PRIM2: variants seen among roughly 807,000 people sequenced by gnomAD.
PRIM2 encodes DNA primase large subunit.
In PRIM2, 39 loss-of-function variants were observed where a neutral mutation model predicts 67.3. The observed-to-expected ratio is 0.58, with a 90% confidence interval of 0.45 to 0.76. PRIM2 has a LOEUF of 0.76. Among genes scored for constraint, PRIM2 ranks in the 30% least tolerant of loss-of-function variants. The pLI is 0.00. For missense variants in PRIM2, 398 were observed against 598.7 expected, an observed-to-expected ratio of 0.66 and a Z score of 3.50; for synonymous variants, 143 against 198.7, an observed-to-expected ratio of 0.72 and a Z score of 2.36.
chr6:57,384,027 A>G (rs563663214), intron 7 of PRIM2, among the ~76,000 whole-genome samples: 1 of 152,364 alleles, frequency 6.6e-6, no homozygotes, highest in South Asian at 2.1e-4. Context: ...TCTAGATTAT[A>G]GTATGGACTT....
intron 10 of PRIM2, among the ~76,000 whole-genome samples, chr6:57,556,456 A>G (rs1775515577): frequency 6.6e-6 from 1 of 152,190 alleles, no homozygotes; most frequent in Non-Finnish European, 1.5e-5. Context: ...GACCAATGGA[A>G]CAGAATAGAA....
chr6:57,299,822 CAGA>C, the PRIM2 span, among the ~76,000 whole-genome samples: 21 of 152,174 alleles, frequency 1.4e-4, no homozygotes, highest in Admixed American at 1.1e-3. Context: ...TTTAAAGTAG[CAGA>C]ACCTTGCTGG....
the PRIM2 span, among the ~76,000 whole-genome samples, chr6:57,271,647 A>G: frequency 6.6e-6 from 1 of 152,056 alleles, no homozygotes; most frequent in Non-Finnish European, 1.5e-5. Flanking sequence ...CCCTGATCTT[A>G]GTTATTTCTT....
At chr6:57,345,433 C>T (rs1406916518) in intron 5 of PRIM2, among the ~76,000 whole-genome samples, 6 of 150,406 alleles carry the variant, frequency 4.0e-5, no homozygotes, top group African/African-American at 1.5e-4. Context: ...TCCCAAAGTT[C>T]TGGGTCTACA....
At chr6:57,425,299 G>A (rs567708584) in intron 7 of PRIM2, among the ~76,000 whole-genome samples, 17 of 152,120 alleles carry the variant, frequency 1.1e-4, no homozygotes, top group African/African-American at 3.1e-4. Context: ...GTGCAGTGGC[G>A]CGATCTTGGC....
chr6:57,401,770 G>C lies in PRIM2; in HGVS notation c.693+19602G>C, dbSNP rs557895348. Among the ~76,000 whole-genome samples, 56 of 152,270 alleles carry C rather than the reference G, an allele frequency of 3.7e-4. No individual in the cohort carries two copies. In the East Asian group the frequency reaches 8.3e-3, roughly 23 times the overall value. On this transcript the variant is annotated intron_variant, in intron 7 of 13. Coordinates refer to ENST00000615550, the MANE Select transcript of PRIM2 (RefSeq NM_000947.5). ...CCCAGGATGGAGGGCCTGTGCTGTGGCCCCAGCCAGGGGTTCTCTGTCTGG... is the reference window on the plus strand; with the variant it reads ...CCCAGGATGGAGGGCCTGTGCTGTGCCCCCAGCCAGGGGTTCTCTGTCTGG...
chr6:57,383,451 G>C (rs1770028050), intron 7 of PRIM2: 1 of 151,828 alleles, frequency 6.6e-6, no homozygotes. Context: ...GCATGTTAAT[G>C]CTACTATTAA....
At chr6:57,257,690 T>C in the PRIM2 span, among the ~76,000 whole-genome samples, 1 of 152,218 alleles carries the variant, frequency 6.6e-6, no homozygotes, top group Non-Finnish European at 1.5e-5. Context: ...TCCTCCCTTT[T>C]CTAACTGTAC....
In PRIM2 at chr6:57,324,195, T is replaced by C. The variant is rs1025399402; in HGVS notation, c.259-6T>C. 6.5e-7 allele frequency: 1 copy of C among 1,529,456 alleles called. No homozygotes were observed. The highest frequency in any genetic ancestry group is 9.0e-7 in the Non-Finnish European group (1 of 1,108,400). The allele number at this position is 1,529,456 out of a possible 1,614,324, so 94.7% of individuals were successfully genotyped here. A position where few individuals can be genotyped will look rare whatever the true frequency, so the allele number is the denominator to read the frequency against. ...TTTATTTTATTCATGTGTCATTATT[T>C]TTAAGGAAAACTTAGAAGATGAATA... On this transcript the variant is annotated splice_region_variant and splice_polypyrimidine_tract_variant and intron_variant, in intron 3 of 13. Transcript: ENST00000615550.
At chr6:57,558,362 C>A (rs1331486870) in intron 10 of PRIM2, among the ~76,000 whole-genome samples, 1 of 152,014 alleles carries the variant, frequency 6.6e-6, no homozygotes, top group Non-Finnish European at 1.5e-5. Context: ...GCTTCATGGA[C>A]AAATTGATAT....
chr6:57,542,972 G>GCT (rs1289111041), intron 10 of PRIM2, among the ~76,000 whole-genome samples: 4 of 35,666 alleles, frequency 1.1e-4, no homozygotes, highest in South Asian at 1.3e-3. Context: ...ACGGAGTCTC[G>GCT]CTGTCGCCCA....
intron 7 of PRIM2, among the ~76,000 whole-genome samples, chr6:57,461,962 TC>T (rs1239698753): frequency 2.6e-5 from 4 of 152,214 alleles, no homozygotes; most frequent in African/African-American, 7.2e-5. Context: ...ATTTAAGCAC[TC>T]CAAACATTTC....
intron 10 of PRIM2, among the ~76,000 whole-genome samples, chr6:57,548,338 T>C (rs1328780609): frequency 6.6e-6 from 1 of 151,918 alleles, no homozygotes; most frequent in East Asian, 1.9e-4. Context: ...GCGATGGGAA[T>C]AGAGTGTGCG....
intron 5 of PRIM2, 144 bp downstream of exon 5, chr6:57,326,189 C>A: frequency 3.7e-6 from 3 of 807,098 alleles, no homozygotes; most frequent in Non-Finnish European, 5.5e-6. Context: ...CTTTGGATAA[C>A]AATATATCTT....
chr6:57,327,768 G>T (rs979543962), intron 5 of PRIM2, among the ~76,000 whole-genome samples: 1 of 152,104 alleles, frequency 6.6e-6, no homozygotes, highest in Non-Finnish European at 1.5e-5. Context: ...ATAGAGAGAG[G>T]TGTCCTTGAG....
At chr6:57,613,087 A>G (rs1412513435) in intron 12 of PRIM2, among the ~76,000 whole-genome samples, 1 of 151,802 alleles carries the variant, frequency 6.6e-6, no homozygotes, top group African/African-American at 2.4e-5. Flanking sequence ...GAACCACTTA[A>G]TTTCTTTTTT....
At chr6:57,585,454 T>C (rs1776172014) in intron 10 of PRIM2, among the ~76,000 whole-genome samples, 1 of 152,214 alleles carries the variant, frequency 6.6e-6, no homozygotes, top group Non-Finnish European at 1.5e-5. Flanking sequence ...TGGGGATTTA[T>C]AGCCAAAGAG....
At chr6:57,268,780 C>T in the PRIM2 span, among the ~76,000 whole-genome samples, 43 of 105,394 alleles carry the variant, frequency 4.1e-4, no homozygotes, top group Middle Eastern at 0.015. Context: ...CTATCCCTCC[C>T]CCCTCCCCCC....
chr6:57,572,384 T>G, intron 10 of PRIM2, among the ~76,000 whole-genome samples: 1 of 152,168 alleles, frequency 6.6e-6, no homozygotes, highest in East Asian at 1.9e-4. Context: ...TTTTTTCCCT[T>G]AGTGCAATTA....
Sources: gnomAD v4.1 joint callset for allele counts (sites outside exome capture counted in the v4.1 genomes callset) on GRCh38, gnomAD v4.1.1 for gene constraint, MANE v1.5 for transcripts, NCBI Gene and HGNC (gene_info 2026-07-23, HGNC 2026-07-21) for gene names.